FAF1: variants seen among roughly 807,000 people sequenced by gnomAD.
FAF1 encodes the protein FAS-associated factor 1.
In FAF1, 25 loss-of-function variants were observed where a neutral mutation model predicts 92.5. That is an observed-to-expected ratio of 0.27 (90% CI 0.20 to 0.38). FAF1 has a LOEUF of 0.38. Ranked by LOEUF, FAF1 falls within the 10% of genes least tolerant of loss-of-function variation. The pLI, the probability that FAF1 is intolerant of heterozygous loss-of-function variation, is 1.00. For synonymous variants in FAF1, 234 were observed against 273.2 expected, an observed-to-expected ratio of 0.86 and a Z score of 1.42; for missense variants, 636 against 793.3, an observed-to-expected ratio of 0.80 and a Z score of 2.38.
At chr1:50,493,877 G>A (rs1275912648) in intron 15 of FAF1, among the ~76,000 whole-genome samples, 1 of 152,096 alleles carries the variant, frequency 6.6e-6, no homozygotes, top group African/African-American at 2.4e-5. Flanking sequence ...CGTAAAAAAC[G>A]GACCTTCTAA....
chr1:50,826,933 G>A (rs963247873), intron 2 of FAF1, among the ~76,000 whole-genome samples: 68 of 151,220 alleles, frequency 4.5e-4, no homozygotes, highest in African/African-American at 1.6e-3. Flanking sequence ...AGTGAGGAGC[G>A]CCTGTGCCCG....
intron 18 of FAF1, among the ~76,000 whole-genome samples, chr1:50,472,786 C>T (rs937740328): frequency 1.3e-5 from 2 of 152,170 alleles, no homozygotes; most frequent in African/African-American, 4.8e-5. Flanking sequence ...TTTAGTTTGG[C>T]TGTAATTTAA....
chr1:50,649,409 C>T (rs1654755500), intron 8 of FAF1, among the ~76,000 whole-genome samples: 1 of 152,092 alleles, frequency 6.6e-6, no homozygotes, highest in South Asian at 2.1e-4. Flanking sequence ...TCTTGGCCTC[C>T]CAAAGTGCTG....
At chr1:50,445,452 C>T (rs1314369304) in intron 18 of FAF1, among the ~76,000 whole-genome samples, 1 of 152,164 alleles carries the variant, frequency 6.6e-6, no homozygotes, top group Non-Finnish European at 1.5e-5. Context: ...ATTACATTTT[C>T]AGAGATATTG....
intron 9 of FAF1, 41 bp downstream of exon 9, chr1:50,596,080 A>G (rs1572858169): frequency 7.3e-7 from 1 of 1,362,892 alleles, no homozygotes. Context: ...TAGGTGGGGG[A>G]TGGGCCTTCT....
In FAF1 at chr1:50,819,730, CATATATATA is replaced by C. The variant is rs1644019902; in HGVS notation, c.115-18062_115-18054del. Reference sequence around the variant, plus strand: ...ATATATATATACGTATATATATATACATATATATACATATATATATACATATATATATAC... The same window carrying C: ...ATATATATATACGTATATATATATACCATATATATATACATATATATATAC... On this transcript the variant is annotated intron_variant, in intron 2 of 18. Coordinates refer to ENST00000396153, the MANE Select transcript of FAF1 (RefSeq NM_007051.3). Among the ~76,000 whole-genome samples the C allele has an allele frequency of 2.0e-4, 7 of 35,890 alleles. 1 individual carries two copies. Among genetic ancestry groups the C allele is most frequent in the African/African-American group, 7.1e-4 (6 of 8,404 alleles). The allele number at this position is 35,890 out of a possible 152,430, so 23.5% of individuals were successfully genotyped here.
chr1:50,676,636 A>C (rs1484118452), intron 7 of FAF1, among the ~76,000 whole-genome samples: 1 of 152,102 alleles, frequency 6.6e-6, no homozygotes, highest in African/African-American at 2.4e-5. Flanking sequence ...GCCCTGGCCA[A>C]CGTGGTAAAA....
chr1:50,627,704 G>C lies in FAF1; in HGVS notation c.744+27738C>G, dbSNP rs551609614. On this transcript the variant is annotated intron_variant, in intron 8 of 18. Coordinates refer to ENST00000396153, the MANE Select transcript of FAF1 (RefSeq NM_007051.3). Reference sequence around the variant, plus strand: ...TTGGATAAAGGGAATGTGAGGGGGGGCTTCTGGGATACTTTAAAATGTTTT... The same window carrying C: ...TTGGATAAAGGGAATGTGAGGGGGGCCTTCTGGGATACTTTAAAATGTTTT... Among the ~76,000 whole-genome samples the C allele has an allele frequency of 2.0e-5, 3 of 152,250 alleles. No individual in the cohort carries two copies. The South Asian group carries it at 6.2e-4, about 32-fold the overall frequency.
At chr1:50,535,921 T>C (rs1430438990) in intron 14 of FAF1, among the ~76,000 whole-genome samples, 1 of 152,186 alleles carries the variant, frequency 6.6e-6, no homozygotes, top group African/African-American at 2.4e-5. Context: ...AAAATGAGTC[T>C]TAGCTCAAAA....
At chr1:50,791,458 T>C (rs529102290) in intron 3 of FAF1, among the ~76,000 whole-genome samples, 1 of 152,214 alleles carries the variant, frequency 6.6e-6, no homozygotes, top group Non-Finnish European at 1.5e-5. Context: ...AGACACTATC[T>C]AGAGATTAGT....
chr1:50,447,544 A>G (rs1188347129), intron 18 of FAF1, among the ~76,000 whole-genome samples: 1 of 152,238 alleles, frequency 6.6e-6, no homozygotes, highest in East Asian at 1.9e-4. Flanking sequence ...CTGGTGACCA[A>G]TAACTTTCAT....
intron 8 of FAF1, among the ~76,000 whole-genome samples, chr1:50,602,085 T>C (rs916702167): frequency 6.6e-6 from 1 of 152,196 alleles, no homozygotes; most frequent in African/African-American, 2.4e-5. Context: ...CTAAGGAGAT[T>C]TGGTTATGTC....
intron 1 of FAF1, among the ~76,000 whole-genome samples, chr1:50,878,392 A>G (rs1644587078): frequency 6.6e-6 from 1 of 152,242 alleles, no homozygotes; most frequent in South Asian, 2.1e-4. Flanking sequence ...AGAGGCTAGG[A>G]TTCTAGTCAG....
At chr1:50,523,798 G>A (rs368341015) in intron 15 of FAF1, among the ~76,000 whole-genome samples, 13 of 152,160 alleles carry the variant, frequency 8.5e-5, no homozygotes, top group Non-Finnish European at 1.2e-4. Flanking sequence ...CCCATTGATG[G>A]GCATTTAGGT....
chr1:50,693,598 A>T (rs1657035284), intron 7 of FAF1, among the ~76,000 whole-genome samples: 1 of 152,196 alleles, frequency 6.6e-6, no homozygotes, highest in Non-Finnish European at 1.5e-5. Context: ...CATATAAGGT[A>T]AAAGTCTACT....
chr1:50,655,563 A>G (rs1655070417), intron 7 of FAF1, 35 bp from the exon 8 acceptor site: 8 of 1,308,752 alleles, frequency 6.1e-6, no homozygotes, highest in Non-Finnish European at 8.8e-6. Flanking sequence ...ATTAAAATAG[A>G]ATTTTCACAT....
intron 9 of FAF1, among the ~76,000 whole-genome samples, chr1:50,586,322 G>A (rs1314828695): frequency 1.3e-5 from 2 of 152,056 alleles, no homozygotes; most frequent in Non-Finnish European, 2.9e-5. Context: ...GTTGACACCT[G>A]GGGTATAGCC....
chr1:50,517,688 T>C (rs1647270330), intron 15 of FAF1, among the ~76,000 whole-genome samples: 1 of 152,226 alleles, frequency 6.6e-6, no homozygotes, highest in Admixed American at 6.5e-5. Flanking sequence ...GGAAAGATTG[T>C]GCAATCCCAA....
At chr1:50,874,908 T>G (rs980563992) in intron 1 of FAF1, among the ~76,000 whole-genome samples, 1 of 151,672 alleles carries the variant, frequency 6.6e-6, no homozygotes, top group African/African-American at 2.4e-5. Flanking sequence ...TAGCTGAGAC[T>G]ACAGCCATGG....
Sources: allele counts gnomAD v4.1 joint callset (sites outside exome capture counted in the v4.1 genomes callset), GRCh38; gene constraint gnomAD v4.1.1; transcripts MANE v1.5; gene names NCBI Gene and HGNC (gene_info 2026-07-23, HGNC 2026-07-21).